CNDP2: variants seen among roughly 807,000 people sequenced by gnomAD.
The protein encoded by CNDP2 is carnosine dipeptidase 2.
A neutral mutation model predicts 55.0 loss-of-function variants in CNDP2; 38 were observed. The ratio of observed to expected loss-of-function variants is 0.69; its 90% CI spans 0.53 to 0.90. CNDP2 has a LOEUF of 0.90. CNDP2 is among the 40% of genes least tolerant of loss of function. The pLI is 0.00. For synonymous variants in CNDP2, 241 were observed against 260.2 expected (o/e 0.93, Z 0.71); for missense variants, 607 against 621.7 (o/e 0.98, Z 0.25).
At chr18:74,519,330 A>G (rs1364573325) in intron 11 of CNDP2, among the ~76,000 whole-genome samples, 1 of 151,560 alleles carries the variant, frequency 6.6e-6, no homozygotes, top group Non-Finnish European at 1.5e-5. Flanking sequence ...CACTTCATCT[A>G]CCCCTCTCTC....
chr18:74,497,071 T>A (rs1301724382), intron 1 of CNDP2, among the ~76,000 whole-genome samples: 1 of 152,098 alleles, frequency 6.6e-6, no homozygotes, highest in Non-Finnish European at 1.5e-5. Context: ...AGTTTCCTCA[T>A]CTGTGAAATA....
intron 3 of CNDP2, 59 bp from the exon 4 acceptor site, chr18:74,505,790 T>C: frequency 6.3e-7 from 1 of 1,598,250 alleles, no homozygotes; most frequent in Non-Finnish European, 8.6e-7. Context: ...AATCTCCACC[T>C]TAAGCACTGA....
Position 74,501,491 on chromosome 18 carries a change from T to C in CNDP2, c.204+19T>C. ...ACAAAAGGTAGGAGGCAACATTCTTTGCATTGCAGGACCGTAGACAGATTC... is the reference window on the plus strand; with the variant it reads ...ACAAAAGGTAGGAGGCAACATTCTTCGCATTGCAGGACCGTAGACAGATTC... On this transcript the variant is annotated intron_variant, in intron 3 of 11. Transcript: ENST00000324262. The C allele has an allele frequency of 6.2e-7, 1 of 1,610,500 alleles. No homozygotes were observed. The highest frequency in any genetic ancestry group is 8.5e-7 in the Non-Finnish European group (1 of 1,178,042).
At chr18:74,501,045 C>T (rs767481050) in intron 2 of CNDP2, 5 of 558,012 alleles carry the variant, frequency 9.0e-6, no homozygotes, top group Non-Finnish European at 9.5e-6. Flanking sequence ...GGCCTGGCGC[C>T]GGGCTGCCTG....
At chr18:74,508,811 C>T (rs1386668922) in intron 4 of CNDP2, 29 bp from the exon 5 acceptor site, 2 of 1,593,438 alleles carry the variant, frequency 1.3e-6, no homozygotes, top group Admixed American at 1.7e-5. Flanking sequence ...GTAATCATCA[C>T]TTTATGAATT....
intron 8 of CNDP2, among the ~76,000 whole-genome samples, chr18:74,515,228 A>G (rs535851057): frequency 4.6e-5 from 7 of 152,138 alleles, no homozygotes; most frequent in Non-Finnish European, 8.8e-5. Context: ...ATTGGGAAAG[A>G]TCATGGGTCA....
intron 3 of CNDP2, among the ~76,000 whole-genome samples, chr18:74,503,073 G>GT (rs72527615): frequency 0.68 from 96,605 of 142,042 alleles, 33,195 homozygotes; most frequent in Non-Finnish European, 0.75. Flanking sequence ...GCTCCCTTTC[G>GT]TTTTTTTTTT....
At chr18:74,507,949 A>C (rs1277185762) in intron 4 of CNDP2, 1 of 152,230 alleles carries the variant, frequency 6.6e-6, no homozygotes, top group African/African-American at 2.4e-5. Context: ...CTTATATTTG[A>C]TCTTCAGTTT....
At position 74,513,590 on chromosome 18, in the gene CNDP2, G is replaced by A; in HGVS notation, c.774G>A (p.Leu258=). 1 of 1,613,742 alleles carries A rather than the reference G, an allele frequency of 6.2e-7. No homozygotes were observed. Among genetic ancestry groups the A allele is most frequent in the South Asian group, 1.1e-5 (1 of 91,088 alleles). ...TGGTGGACAAGAGGGGGAACATCCT[G>A]ATCCCCGGCATTAACGAGGCCGTGG... The part of the protein sequence containing the change: ...GSLVDKRGNI[L]IPGINEAVAA... The change falls in exon 8 of 12, where the codon CTG becomes CTA. Residue 258 remains leucine (L), a synonymous_variant. Transcript: ENST00000324262.
At chr18:74,513,768 A>G (rs1430984786) in intron 8 of CNDP2, 49 bp downstream of exon 8, 1 of 1,586,982 alleles carries the variant, frequency 6.3e-7, no homozygotes, top group African/African-American at 1.3e-5. Flanking sequence ...ACGCTGTGAC[A>G]CAGGTGTCCC....
Position 74,502,588 on chromosome 18 carries a change from C to G in CNDP2, c.204+1116C>G, listed in dbSNP as rs569379058. The stretch of plus-strand genomic sequence containing the variant: ...AAATTGTCACGCCACCATACCCGGC[C>G]TCTTACTGTATGTTATTTCACTAGT... On this transcript the variant is annotated intron_variant, in intron 3 of 11. Transcript: ENST00000324262. 2.0e-5 allele frequency among the ~76,000 whole-genome samples: 3 copies of G among 152,190 alleles called. No individual in the cohort carries two copies. In the South Asian group the frequency reaches 6.2e-4, roughly 32 times the overall value.
At chr18:74,519,152 C>T in intron 11 of CNDP2, 56 bp downstream of exon 11, 1 of 1,527,414 alleles carries the variant, frequency 6.5e-7, no homozygotes, top group Non-Finnish European at 8.8e-7. Context: ...TCCCTCTCGC[C>T]CCTTCCCCTT....
intron 4 of CNDP2, 88 bp from the exon 5 acceptor site, chr18:74,508,752 T>C: frequency 9.6e-7 from 1 of 1,045,134 alleles, no homozygotes; most frequent in Non-Finnish European, 1.5e-6. Flanking sequence ...TTTGCTTGGC[T>C]AAGGGGTTAT....
chr18:74,502,356 C>A (rs549054199), intron 3 of CNDP2, among the ~76,000 whole-genome samples: 8 of 152,250 alleles, frequency 5.3e-5, no homozygotes, highest in African/African-American at 1.9e-4. Context: ...AACAACAGGT[C>A]CTTGAATAAG....
chr18:74,504,125 C>G (rs56960766), intron 3 of CNDP2, among the ~76,000 whole-genome samples: 3 of 148,088 alleles, frequency 2.0e-5, no homozygotes, highest in African/African-American at 2.5e-5. Context: ...ACGCCACACA[C>G]GCAGCCACAC....
In CNDP2 at chr18:74,505,971, CG is replaced by C; in HGVS notation, c.329del (p.Gly110AlafsTer32). On this transcript the variant is annotated frameshift_variant, in exon 4 of 12. Coordinates refer to ENST00000324262, the MANE Select transcript of CNDP2 (RefSeq NM_018235.3). LOFTEE classifies it high-confidence loss of function. ...ATGTGCAGCCTGCAGCCCTGGAGGA[CG>C]GCTGGGACAGCGAGCCCTTCACCCT... ...LDVQPAALED[G>X]WDSEPFTLVE... The C allele has an allele frequency of 1.2e-6, 2 of 1,606,178 alleles. No homozygotes were observed. Among genetic ancestry groups the C allele is most frequent in the Non-Finnish European group, 1.7e-6 (2 of 1,177,572 alleles).
At chr18:74,512,637 A>T in intron 7 of CNDP2, 105 bp downstream of exon 7, 1 of 914,996 alleles carries the variant, frequency 1.1e-6, no homozygotes, top group Non-Finnish European at 1.7e-6. Flanking sequence ...TTCCACATGA[A>T]CCAACTTCTG....
In CNDP2 at chr18:74,521,508, G is replaced by C. The variant is rs190055360; in HGVS notation, c.*1440G>C. On this transcript the variant is annotated 3_prime_UTR_variant, in exon 12 of 12. Transcript: ENST00000324262. The stretch of plus-strand genomic sequence containing the variant: ...GATGAGTCTGGACCCTCTCACATCG[G>C]AACGTAAGGATGCGCTCCTGAGGGC... The C allele has an allele frequency of 4.6e-5, 7 of 152,372 alleles. No individual in the cohort carries two copies. In the East Asian group the frequency reaches 1.3e-3, roughly 29 times the overall value. 9.4% of individuals were successfully genotyped at this position (152,372 alleles called of 1,614,324 possible).
Position 74,499,979 on chromosome 18 carries a change from G to A in CNDP2, c.6G>A (p.Ala2=), listed in dbSNP as rs747415533. M[A]ALTTLFKYID... ...GTCTGGGGTCTGGTTGAAAGATGGC[G>A]GCCCTCACTACCCTGTTTAAGTACA... Residue 2 remains alanine, a synonymous_variant, in exon 2 of 12, where the codon GCG becomes GCA. Transcript: ENST00000324262. 3.7e-6 allele frequency: 6 copies of A among 1,613,856 alleles called. No homozygotes were observed. The highest frequency in any genetic ancestry group is 5.1e-6 in the Non-Finnish European group (6 of 1,179,968).
Sources: allele counts gnomAD v4.1 joint callset (sites outside exome capture counted in the v4.1 genomes callset), GRCh38; gene constraint gnomAD v4.1.1; transcripts MANE v1.5; gene names NCBI Gene and HGNC (gene_info 2026-07-23, HGNC 2026-07-21).